MDGA2: variants seen among roughly 807,000 people sequenced by gnomAD.
MDGA2 encodes MAM domain containing glycosylphosphatidylinositol anchor 2.
In MDGA2, 40 loss-of-function variants were observed where a neutral mutation model predicts 117.8. The observed-to-expected ratio is 0.34, with a 90% CI of 0.26 to 0.44. The LOEUF (loss-of-function observed/expected upper bound fraction) is 0.44. Ranked by LOEUF, MDGA2 falls within the 20% of genes least tolerant of loss-of-function variation. The pLI, the probability that MDGA2 is intolerant of heterozygous loss-of-function variation, is 1.00. For missense variants in MDGA2, 1,123 were observed against 1,250.6 expected (o/e 0.90, Z 1.54); for synonymous variants, 452 against 439.0 (o/e 1.03, Z -0.37).
At chr14:47,558,182 C>T (rs1182889210) in intron 1 of MDGA2, among the ~76,000 whole-genome samples, 1 of 152,160 alleles carries the variant, frequency 6.6e-6, no homozygotes, top group Non-Finnish European at 1.5e-5. Flanking sequence ...CTATTCCCAT[C>T]TATGCCTATG....
chr14:47,055,775 T>A (rs1013458809), intron 7 of MDGA2, among the ~76,000 whole-genome samples: 1 of 152,166 alleles, frequency 6.6e-6, no homozygotes, highest in Non-Finnish European at 1.5e-5. Flanking sequence ...TGTGCCCATT[T>A]ATTTATTGCC....
chr14:47,647,716 C>A (rs1053124274), intron 1 of MDGA2, among the ~76,000 whole-genome samples: 2 of 152,018 alleles, frequency 1.3e-5, no homozygotes, highest in Admixed American at 1.3e-4. Context: ...AATATTAATA[C>A]CCTTATGTCC....
chr14:46,854,364 A>G (rs1030387222), intron 15 of MDGA2, among the ~76,000 whole-genome samples: 7 of 151,516 alleles, frequency 4.6e-5, no homozygotes, highest in Admixed American at 6.6e-5. Flanking sequence ...ATATATGTAT[A>G]TATGTTTATA....
intron 9 of MDGA2, among the ~76,000 whole-genome samples, chr14:46,952,769 T>C (rs1885415471): frequency 6.6e-6 from 1 of 151,912 alleles, no homozygotes; most frequent in Non-Finnish European, 1.5e-5. Flanking sequence ...TGTGTGATGA[T>C]TTGGGGGAAG....
chr14:47,304,596 T>C (rs1484281107), intron 1 of MDGA2, among the ~76,000 whole-genome samples: 1 of 152,142 alleles, frequency 6.6e-6, no homozygotes, highest in Non-Finnish European at 1.5e-5. Context: ...CTCCAGTACC[T>C]GCCAAATCCA....
At chr14:47,500,507 T>A (rs1894378092) in intron 1 of MDGA2, among the ~76,000 whole-genome samples, 1 of 152,110 alleles carries the variant, frequency 6.6e-6, no homozygotes, top group Admixed American at 6.6e-5. Context: ...ATCCAAATAC[T>A]AATTCTCACT....
At chr14:47,171,027 T>C (rs1025024944) in intron 3 of MDGA2, among the ~76,000 whole-genome samples, 10 of 152,178 alleles carry the variant, frequency 6.6e-5, no homozygotes, top group East Asian at 1.9e-4. Flanking sequence ...TTAATAAATA[T>C]AGGCTAATTC....
intron 1 of MDGA2, among the ~76,000 whole-genome samples, chr14:47,396,509 GCTT>G (rs1320964560): frequency 1.3e-5 from 2 of 152,276 alleles, no homozygotes; most frequent in Non-Finnish European, 2.9e-5. Context: ...AAACTGAAGA[GCTT>G]CTGCACAACA....
intron 8 of MDGA2, among the ~76,000 whole-genome samples, chr14:46,993,265 G>A (rs954945998): frequency 6.6e-6 from 1 of 151,984 alleles, no homozygotes; most frequent in Non-Finnish European, 1.5e-5. Flanking sequence ...AAAACACCTG[G>A]AAGCAATTTG....
intron 5 of MDGA2, among the ~76,000 whole-genome samples, chr14:47,098,130 T>A (rs1880083820): frequency 6.6e-6 from 1 of 151,796 alleles, no homozygotes; most frequent in Admixed American, 6.6e-5. Flanking sequence ...TCAATCTACA[T>A]CGGAAATATT....
At chr14:46,995,044 A>G (rs571277287) in intron 8 of MDGA2, among the ~76,000 whole-genome samples, 24 of 152,294 alleles carry the variant, frequency 1.6e-4, no homozygotes, top group African/African-American at 5.5e-4. Flanking sequence ...CTTGTTTAGT[A>G]CAGAGTAAAA....
intron 5 of MDGA2, among the ~76,000 whole-genome samples, chr14:47,106,276 C>T (rs1045182680): frequency 2.0e-5 from 3 of 152,102 alleles, no homozygotes; most frequent in African/African-American, 7.2e-5. Flanking sequence ...CCCTCAAACC[C>T]CACAACAGGA....
intron 2 of MDGA2, among the ~76,000 whole-genome samples, chr14:47,234,340 T>G (rs1886790560): frequency 6.6e-6 from 1 of 151,780 alleles, no homozygotes; most frequent in Admixed American, 6.6e-5. Context: ...CAAAATACCA[T>G]AAGGTAAATT....
At chr14:47,621,764 G>T (rs1260297663) in intron 1 of MDGA2, among the ~76,000 whole-genome samples, 1 of 152,168 alleles carries the variant, frequency 6.6e-6, no homozygotes, top group Non-Finnish European at 1.5e-5. Context: ...TTGAGTAGGG[G>T]CTGCTCATTC....
At chr14:46,977,732 A>G (rs1886519475) in intron 8 of MDGA2, among the ~76,000 whole-genome samples, 5 of 151,956 alleles carry the variant, frequency 3.3e-5, no homozygotes, top group Admixed American at 6.6e-5. Context: ...ATATTGATCA[A>G]TAACATGGTA....
rs933883804 is a variant in MDGA2 at position 47,095,055 on chromosome 14, G to A, written c.1195+1799C>T. The stretch of plus-strand genomic sequence containing the variant: ...AAGAACTGTAACTCCTTTGAGGGCA[G>A]ACATTTAGTCACTGATCTTTGCAGT... On this transcript the variant is annotated intron_variant, in intron 6 of 16. Coordinates refer to ENST00000399232, the MANE Select transcript of MDGA2 (RefSeq NM_001113498.3). Among the ~76,000 whole-genome samples the A allele has an allele frequency of 2.0e-5, 3 of 151,960 alleles. No individual in the cohort carries two copies. The East Asian group carries it at 5.8e-4, about 29-fold the overall frequency.
At position 47,389,660 on chromosome 14, in the gene MDGA2, C is replaced by T. The variant is rs184346691; in HGVS notation, c.281-88110G>A. Among the ~76,000 whole-genome samples, 868 of 151,954 alleles carry T rather than the reference C, an allele frequency of 5.7e-3. 8 individuals carry two copies. The highest frequency in any genetic ancestry group is 0.019 in the African/African-American group (804 of 41,460). ...CACACTTCAGAAAGCAAAGCAGCCT[C>T]ACTCACCCCCTGCAGCTGCAGAAGT... is the stretch of plus-strand genomic sequence containing the variant. On this transcript the variant is annotated intron_variant, in intron 1 of 16. Coordinates refer to ENST00000399232, the MANE Select transcript of MDGA2 (RefSeq NM_001113498.3).
intron 1 of MDGA2, among the ~76,000 whole-genome samples, chr14:47,466,444 A>G (rs1460894934): frequency 6.6e-6 from 1 of 152,168 alleles, no homozygotes; most frequent in Admixed American, 6.6e-5. Flanking sequence ...GAGATAAAAT[A>G]GAGATAAGCA....
chr14:46,895,305 T>C (rs1315936896), intron 10 of MDGA2, among the ~76,000 whole-genome samples: 1 of 152,226 alleles, frequency 6.6e-6, no homozygotes, highest in East Asian at 1.9e-4. Flanking sequence ...ACCCCTTTGC[T>C]AGGCACTTTT....
Sources: allele counts gnomAD v4.1 joint callset (sites outside exome capture counted in the v4.1 genomes callset), GRCh38; gene constraint gnomAD v4.1.1; transcripts MANE v1.5; gene names NCBI Gene and HGNC (gene_info 2026-07-23, HGNC 2026-07-21).